Variants in SORCS2 observed in about 807,000 individuals in gnomAD.
The protein encoded by SORCS2 is sortilin related VPS10 domain containing receptor 2, also known as VPS10 domain-containing receptor SorCS2.
Under a neutral mutation model 141.6 loss-of-function variants are expected in SORCS2, and 100 were observed. That is an observed-to-expected ratio of 0.71 (90% CI 0.60 to 0.83). The LOEUF (loss-of-function observed/expected upper bound fraction) is 0.83, where lower values mean the gene tolerates loss of function less well. SORCS2 is among the 40% of genes least tolerant of loss of function. The pLI is 0.00. For missense variants in SORCS2, 1,646 were observed against 1,560.2 expected (o/e 1.05, Z -0.93); for synonymous variants, 789 against 676.9 (o/e 1.17, Z -2.57).
At chr4:7,589,780 C>T (rs187108676) in intron 3 of SORCS2, among the ~76,000 whole-genome samples, 2 of 152,324 alleles carry the variant, frequency 1.3e-5, no homozygotes, top group East Asian at 3.9e-4. Flanking sequence ...TATCCCCATT[C>T]TACAGAGAGG....
In SORCS2 at chr4:7,654,151, C is replaced by A. The variant is rs757478148; in HGVS notation, c.831C>A (p.Asp277Glu). The change falls in exon 5 of 27, where the codon GAC becomes GAA. Residue 277 changes from aspartate to glutamate, a missense_variant. Asp to Glu is a conservative substitution (Grantham distance 45). Transcript: ENST00000507866. The part of the protein sequence containing the change: ...TKESKLYVSS[D>E]LGKKWTLLQE... ...CCCTAAAGCTCTACGTGTCATCTGA[C>A]TTGGGGAAAAAGTGGACACTTCTGC... 8.2e-6 allele frequency: 13 copies of A among 1,581,126 alleles called. No individual in the cohort carries two copies. In the South Asian group the frequency reaches 1.5e-4, roughly 18 times the overall value.
intron 3 of SORCS2, among the ~76,000 whole-genome samples, chr4:7,589,564 G>A (rs753494907): frequency 3.9e-5 from 6 of 152,006 alleles, no homozygotes; most frequent in Non-Finnish European, 8.8e-5. Context: ...CACCATGCCC[G>A]GCTAACTTTT....
intron 2 of SORCS2, chr4:7,430,842 A>G (rs1413550639): frequency 2.6e-5 from 4 of 152,252 alleles, no homozygotes; most frequent in African/African-American, 4.8e-5. Flanking sequence ...CGCGGCGGCT[A>G]TGGAGTCATT....
chr4:7,555,971 G>T (rs556830127), intron 3 of SORCS2, among the ~76,000 whole-genome samples: 4 of 152,392 alleles, frequency 2.6e-5, no homozygotes, highest in Admixed American at 2.0e-4. Context: ...TGCTTCTGCA[G>T]TGGGTAAGAG....
At chr4:7,720,251 T>C (rs549549270) in intron 18 of SORCS2, among the ~76,000 whole-genome samples, 22 of 152,284 alleles carry the variant, frequency 1.4e-4, no homozygotes, top group African/African-American at 5.3e-4. Flanking sequence ...TAAACCCATA[T>C]AAATATGGCC....
intron 2 of SORCS2, among the ~76,000 whole-genome samples, chr4:7,414,737 G>A (rs896385465): frequency 1.2e-4 from 19 of 152,192 alleles, no homozygotes; most frequent in Non-Finnish European, 2.4e-4. Flanking sequence ...CCAGGTGCAA[G>A]GTTCTAAATC....
At chr4:7,225,510 A>G (rs537494357) in intron 1 of SORCS2, among the ~76,000 whole-genome samples, 4 of 152,328 alleles carry the variant, frequency 2.6e-5, no homozygotes, top group Non-Finnish European at 5.9e-5. Context: ...CTGAACCAGC[A>G]TGGCACGGCC....
At chr4:7,416,559 C>A (rs1390262178) in intron 2 of SORCS2, among the ~76,000 whole-genome samples, 2 of 152,180 alleles carry the variant, frequency 1.3e-5, no homozygotes, top group Non-Finnish European at 2.9e-5. Context: ...CATGCATGTG[C>A]ACATGCACAC....
intron 3 of SORCS2, among the ~76,000 whole-genome samples, chr4:7,609,003 A>C (rs1243474035): frequency 1.3e-5 from 2 of 152,098 alleles, no homozygotes; most frequent in Non-Finnish European, 2.9e-5. Context: ...TGCAGTGGAC[A>C]ATAGGGGTGA....
At chr4:7,661,243 C>G (rs1035666736) in intron 5 of SORCS2, among the ~76,000 whole-genome samples, 1 of 93,472 alleles carries the variant, frequency 1.1e-5, no homozygotes, top group Non-Finnish European at 2.1e-5. Context: ...AAGGAAGATG[C>G]AGAGACTCCA....
chr4:7,643,628 G>A (rs1367135200), intron 4 of SORCS2, among the ~76,000 whole-genome samples: 2 of 152,118 alleles, frequency 1.3e-5, no homozygotes, highest in East Asian at 1.9e-4. Flanking sequence ...TCTTTAATTT[G>A]TAATACATCT....
intron 2 of SORCS2, among the ~76,000 whole-genome samples, chr4:7,487,520 A>T (rs928276024): frequency 3.3e-5 from 5 of 152,190 alleles, no homozygotes; most frequent in Non-Finnish European, 7.3e-5. Flanking sequence ...AAAATATGAC[A>T]TGGAGCTCTT....
At chr4:7,477,110 A>G (rs71601845) in intron 2 of SORCS2, among the ~76,000 whole-genome samples, 19,188 of 152,162 alleles carry the variant, frequency 0.13, 1,570 homozygotes, top group South Asian at 0.25. Flanking sequence ...ACAGGGTTCC[A>G]CCTGGGCCGT....
intron 19 of SORCS2, 78 bp from the exon 20 acceptor site, chr4:7,725,076 G>A (rs1254967744): frequency 6.7e-7 from 1 of 1,495,450 alleles, no homozygotes; most frequent in African/African-American, 1.4e-5. Flanking sequence ...AGTTGCTGGT[G>A]ACAGTGATCA....
chr4:7,349,537 G>A (rs552024702), intron 1 of SORCS2, among the ~76,000 whole-genome samples: 57 of 152,248 alleles, frequency 3.7e-4, no homozygotes, highest in African/African-American at 1.2e-3. Flanking sequence ...TGGGGGCTGG[G>A]TGATGTGGTA....
In SORCS2 at chr4:7,263,670, A is replaced by G. The variant is rs114556374; in HGVS notation, c.480+70544A>G. The stretch of plus-strand genomic sequence containing the variant: ...CTGTATGTCAAAGTGGCTGGGGCAC[A>G]GGGCTGTCCAGCAAGGCTGCTGACT... On this transcript the variant is annotated intron_variant, in intron 1 of 26. Transcript: ENST00000507866. Among the ~76,000 whole-genome samples, 803 of 152,308 alleles carry G rather than the reference A, an allele frequency of 5.3e-3. 13 individuals are homozygous for G. The highest frequency in any genetic ancestry group is 0.018 in the African/African-American group (754 of 41,572).
Position 7,345,565 on chromosome 4 carries a change from CTAGACAAGTCCTAGGACCTCTCCA to C in SORCS2, c.481-50698_481-50675del, listed in dbSNP as rs562147093. ...AATGCTGCTGGCTAGCTGCATCACT[CTAGACAAGTCCTAGGACCTCTCCA>C]TAGACAAGTCCTAGGACCTCTCCAA... On this transcript the variant is annotated intron_variant, in intron 1 of 26. Transcript: ENST00000507866. Among the ~76,000 whole-genome samples the C allele has an allele frequency of 6.7e-3, 1,020 of 152,310 alleles. 14 individuals are homozygous for C. Among genetic ancestry groups the C allele is most frequent in the African/African-American group, 0.023 (960 of 41,556 alleles).
chr4:7,712,835 G>T lies in SORCS2; in HGVS notation c.1971G>T (p.Trp657Cys), dbSNP rs1034338584. ...GCGGCGAGGAGGACTACAGCTCCTG[G>T]GAGCTCTCCAACCTGCAGGTGGGCC... is the stretch of plus-strand genomic sequence containing the variant. ...RQCGEEDYSS[W>C]ELSNLQGDRC... The change falls in exon 15 of 27, where the codon TGG (tryptophan) becomes TGT (cysteine). Residue 657 changes from tryptophan (W) to cysteine (C), a missense_variant. Transcript: ENST00000507866. The T allele has an allele frequency of 6.2e-7, 1 of 1,613,882 alleles. No homozygotes were observed. The highest frequency in any genetic ancestry group is 8.5e-7 in the Non-Finnish European group (1 of 1,179,864).
At chr4:7,515,299 G>A (rs371696789) in intron 2 of SORCS2, among the ~76,000 whole-genome samples, 161 of 152,360 alleles carry the variant, frequency 1.1e-3, no homozygotes, top group African/African-American at 3.5e-3. Context: ...ACGCACGGCT[G>A]TCTTGGAGTA....
Sources: allele counts gnomAD v4.1 joint callset (sites outside exome capture counted in the v4.1 genomes callset), GRCh38; gene constraint gnomAD v4.1.1; transcripts MANE v1.5; gene names NCBI Gene and HGNC (gene_info 2026-07-23, HGNC 2026-07-21).